Variants in ZMAT4 observed in about 807,000 individuals in gnomAD.
ZMAT4 encodes the protein zinc finger matrin-type protein 4.
A neutral mutation model predicts 28.7 loss-of-function variants in ZMAT4; 17 were observed. That is an observed-to-expected ratio of 0.59 (90% CI 0.41 to 0.89). The LOEUF (loss-of-function observed/expected upper bound fraction) is 0.89. Among genes scored for constraint, ZMAT4 ranks in the 40% least tolerant of loss-of-function variants. The probability of loss-of-function intolerance (pLI) is 0.00; values close to 1 mark genes in which losing one functional copy is unlikely to be tolerated. For missense variants in ZMAT4, 240 were observed against 283.8 expected (o/e 0.85, Z 1.11); for synonymous variants, 117 against 109.2 (o/e 1.07, Z -0.44).
chr8:40,599,999 G>A (rs1221837375), intron 5 of ZMAT4, among the ~76,000 whole-genome samples: 2 of 152,218 alleles, frequency 1.3e-5, no homozygotes, highest in African/African-American at 2.4e-5. Context: ...AGTCTCATGT[G>A]TTGCCATGCT....
chr8:40,562,999 G>A (rs1027327822), intron 6 of ZMAT4, among the ~76,000 whole-genome samples: 3 of 152,104 alleles, frequency 2.0e-5, no homozygotes, highest in African/African-American at 7.2e-5. Flanking sequence ...CTCACCTTGA[G>A]TGAACTCATC....
At chr8:40,765,777 T>G (rs1259892082) in intron 3 of ZMAT4, among the ~76,000 whole-genome samples, 2 of 152,154 alleles carry the variant, frequency 1.3e-5, no homozygotes, top group Non-Finnish European at 2.9e-5. Context: ...ATCTCTGTTT[T>G]TTTGCCACTT....
chr8:40,889,176 G>A lies in ZMAT4; in HGVS notation c.-5+8507C>T, dbSNP rs550286455. 3.3e-5 allele frequency among the ~76,000 whole-genome samples: 5 copies of A among 152,332 alleles called. No individual in the cohort carries two copies. In the South Asian group the frequency reaches 8.3e-4, roughly 25 times the overall value. On this transcript the variant is annotated intron_variant, in intron 1 of 6. Coordinates refer to ENST00000297737, the MANE Select transcript of ZMAT4 (RefSeq NM_024645.3). ...TGACCACTGCAGGTGACAGGGCCCGGAGGTGGGAATGCAGCGAAGAGGAAG... is the reference window on the plus strand; with the variant it reads ...TGACCACTGCAGGTGACAGGGCCCGAAGGTGGGAATGCAGCGAAGAGGAAG...
At chr8:40,695,438 G>A (rs1196267633) in intron 4 of ZMAT4, among the ~76,000 whole-genome samples, 1 of 152,206 alleles carries the variant, frequency 6.6e-6, no homozygotes, top group Admixed American at 6.5e-5. Context: ...AGCTGGGTGT[G>A]AAGGGGGAGC....
chr8:40,533,173 A>G (rs1485424050), intron 6 of ZMAT4, among the ~76,000 whole-genome samples: 20 of 152,176 alleles, frequency 1.3e-4, no homozygotes, highest in Admixed American at 1.3e-3. Context: ...TCCACAGACC[A>G]CTTTTACTAT....
chr8:40,751,905 A>C (rs1812468955), intron 3 of ZMAT4, among the ~76,000 whole-genome samples: 1 of 152,142 alleles, frequency 6.6e-6, no homozygotes, highest in East Asian at 1.9e-4. Context: ...CCTGTGCAAA[A>C]TGCTGAGGAT....
intron 6 of ZMAT4, among the ~76,000 whole-genome samples, chr8:40,534,147 T>A (rs1802776410): frequency 6.6e-6 from 1 of 152,136 alleles, no homozygotes; most frequent in Non-Finnish European, 1.5e-5. Context: ...AGGAAAAATA[T>A]CACATTCTTC....
intron 5 of ZMAT4, among the ~76,000 whole-genome samples, chr8:40,596,420 C>G (rs1805106060): frequency 2.0e-5 from 3 of 152,198 alleles, no homozygotes; most frequent in Admixed American, 6.5e-5. Flanking sequence ...CATTGCACAG[C>G]TGTACAAAAA....
chr8:40,554,357 AC>A (rs1185119457), intron 6 of ZMAT4, among the ~76,000 whole-genome samples: 2 of 150,828 alleles, frequency 1.3e-5, no homozygotes, highest in Non-Finnish European at 3.0e-5. Context: ...GAGTTAATTA[AC>A]TAAGTTAATT....
intron 5 of ZMAT4, among the ~76,000 whole-genome samples, chr8:40,616,211 G>A (rs1472860148): frequency 6.6e-6 from 1 of 152,182 alleles, no homozygotes; most frequent in African/African-American, 2.4e-5. Flanking sequence ...CAGTTAGAAT[G>A]GCGATCATTA....
chr8:40,708,566 ACTCTTTCTCT>A (rs1352830333), intron 3 of ZMAT4, among the ~76,000 whole-genome samples: 2 of 69,132 alleles, frequency 2.9e-5, no homozygotes, highest in African/African-American at 9.4e-5. Flanking sequence ...ACACATACAC[ACTCTTTCTCT>A]CTCTCTCTCT....
intron 1 of ZMAT4, among the ~76,000 whole-genome samples, chr8:40,837,370 C>T (rs1366410573): frequency 6.6e-6 from 1 of 152,166 alleles, no homozygotes; most frequent in African/African-American, 2.4e-5. Flanking sequence ...AACTCCCTTT[C>T]CCCAACCCCT....
At chr8:40,756,121 T>C (rs1023523525) in intron 3 of ZMAT4, among the ~76,000 whole-genome samples, 47 of 152,022 alleles carry the variant, frequency 3.1e-4, no homozygotes, top group African/African-American at 1.1e-3. Context: ...AGGGGTACTT[T>C]GAGTGGGGGA....
chr8:40,615,902 A>G (rs1805985881), intron 5 of ZMAT4, among the ~76,000 whole-genome samples: 1 of 152,176 alleles, frequency 6.6e-6, no homozygotes, highest in South Asian at 2.1e-4. Flanking sequence ...TAATTAAACT[A>G]AAGAGCTTCT....
intron 3 of ZMAT4, among the ~76,000 whole-genome samples, chr8:40,705,831 C>T (rs971240533): frequency 1.3e-5 from 2 of 152,168 alleles, no homozygotes; most frequent in African/African-American, 2.4e-5. Context: ...CTTATTTCTT[C>T]TTTCCTTTCA....
chr8:40,874,996 C>A (rs1043681880), intron 1 of ZMAT4, among the ~76,000 whole-genome samples: 1 of 152,188 alleles, frequency 6.6e-6, no homozygotes, highest in African/African-American at 2.4e-5. Context: ...TGAAAGCCCC[C>A]CCAAAATGCA....
At chr8:40,557,094 ATT>A (rs1407687468) in intron 6 of ZMAT4, among the ~76,000 whole-genome samples, 1 of 152,112 alleles carries the variant, frequency 6.6e-6, no homozygotes, top group Non-Finnish European at 1.5e-5. Context: ...AGGCATCAGT[ATT>A]TCTGTGCCTG....
intron 6 of ZMAT4, among the ~76,000 whole-genome samples, chr8:40,570,691 C>A (rs1056110038): frequency 3.3e-5 from 5 of 151,898 alleles, no homozygotes; most frequent in African/African-American, 1.2e-4. Flanking sequence ...CAGAGAGCAA[C>A]CTTGTCTCCA....
At chr8:40,846,736 C>G (rs549930166) in intron 1 of ZMAT4, among the ~76,000 whole-genome samples, 1 of 152,290 alleles carries the variant, frequency 6.6e-6, no homozygotes, top group Non-Finnish European at 1.5e-5. Flanking sequence ...ACCCGCACAG[C>G]TGCTGCAAAC....
Sources: gnomAD v4.1 joint callset for allele counts (sites outside exome capture counted in the v4.1 genomes callset) on GRCh38, gnomAD v4.1.1 for gene constraint, MANE v1.5 for transcripts, NCBI Gene and HGNC (gene_info 2026-07-23, HGNC 2026-07-21) for gene names.